Variants in KHDRBS2 observed in about 807,000 individuals in gnomAD.
KHDRBS2 encodes the protein KH RNA binding domain containing, signal transduction associated 2, also known as KH domain-containing, RNA-binding, signal transduction-associated protein 2.
KHDRBS2 carries 26 observed loss-of-function variants against 44.3 expected under a neutral mutation model. The observed-to-expected ratio is 0.59, with a 90% CI of 0.43 to 0.81. The LOEUF is 0.81. KHDRBS2 is among the 40% of genes least tolerant of loss of function. KHDRBS2 has a pLI of 0.00. For synonymous variants in KHDRBS2, 194 were observed against 151.1 expected (o/e 1.28, Z -2.08); for missense variants, 476 against 433.1 (o/e 1.10, Z -0.88).
intron 4 of KHDRBS2, among the ~76,000 whole-genome samples, chr6:61,942,259 C>A (rs187242696): frequency 6.6e-6 from 1 of 151,818 alleles, no homozygotes; most frequent in Non-Finnish European, 1.5e-5. Context: ...TCACACTTGG[C>A]CAGAATTAAA....
intron 1 of KHDRBS2, among the ~76,000 whole-genome samples, chr6:62,215,833 G>A (rs1829889848): frequency 6.6e-6 from 1 of 151,466 alleles, no homozygotes; most frequent in Admixed American, 6.6e-5. Flanking sequence ...GTTGCAAACA[G>A]GTATTACCTT....
At chr6:62,265,169 T>C (rs976960759) in intron 1 of KHDRBS2, among the ~76,000 whole-genome samples, 2 of 151,938 alleles carry the variant, frequency 1.3e-5, no homozygotes, top group African/African-American at 4.8e-5. Context: ...ACCCTCGGAA[T>C]ACTGTTGTTG....
intron 8 of KHDRBS2, among the ~76,000 whole-genome samples, chr6:61,694,443 A>G (rs1767687655): frequency 6.6e-6 from 1 of 152,184 alleles, no homozygotes; most frequent in South Asian, 2.1e-4. Context: ...GACTAGTGAT[A>G]CCTATATGCA....
intron 3 of KHDRBS2, among the ~76,000 whole-genome samples, chr6:62,039,695 T>C (rs1302360641): frequency 6.6e-6 from 1 of 152,108 alleles, no homozygotes; most frequent in Non-Finnish European, 1.5e-5. Context: ...AAATACCATA[T>C]TGAACATTTT....
the KHDRBS2 span, among the ~76,000 whole-genome samples, chr6:61,571,156 AC>A: frequency 6.6e-6 from 1 of 152,104 alleles, no homozygotes; most frequent in African/African-American, 2.4e-5. Context: ...TCAACCAAGT[AC>A]CTGCTGTCTC....
At chr6:61,687,919 A>C (rs368249754) in intron 8 of KHDRBS2, among the ~76,000 whole-genome samples, 2 of 151,746 alleles carry the variant, frequency 1.3e-5, no homozygotes, top group East Asian at 3.9e-4. Context: ...CAATATTAGA[A>C]AGAATCCCCA....
chr6:61,936,361 C>T (rs1811027949), intron 4 of KHDRBS2, among the ~76,000 whole-genome samples: 1 of 151,966 alleles, frequency 6.6e-6, no homozygotes, highest in Non-Finnish European at 1.5e-5. Context: ...TATTCGGCCC[C>T]ATAGGGCTGC....
chr6:61,577,401 T>C, the KHDRBS2 span, among the ~76,000 whole-genome samples: 11 of 152,120 alleles, frequency 7.2e-5, no homozygotes, highest in East Asian at 3.9e-4. Flanking sequence ...TTTGTGAACA[T>C]GAGGGAAAGG....
intron 2 of KHDRBS2, among the ~76,000 whole-genome samples, chr6:62,051,795 A>G (rs1345224333): frequency 1.3e-5 from 2 of 152,120 alleles, no homozygotes; most frequent in Non-Finnish European, 1.5e-5. Context: ...TCAATGGCAG[A>G]AAAACCGATT....
At chr6:62,211,219 C>A (rs888555832) in intron 1 of KHDRBS2, among the ~76,000 whole-genome samples, 5 of 152,036 alleles carry the variant, frequency 3.3e-5, no homozygotes, top group African/African-American at 4.8e-5. Flanking sequence ...AATTATTTTA[C>A]AAGCAGGATA....
intron 1 of KHDRBS2, among the ~76,000 whole-genome samples, chr6:62,277,912 C>T (rs1191867019): frequency 6.6e-6 from 1 of 152,102 alleles, no homozygotes; most frequent in Non-Finnish European, 1.5e-5. Flanking sequence ...TGGCCATGAC[C>T]TCACAAGTAT....
chr6:62,232,066 A>T (rs998009697), intron 1 of KHDRBS2, among the ~76,000 whole-genome samples: 1 of 152,208 alleles, frequency 6.6e-6, no homozygotes, highest in African/African-American at 2.4e-5. Context: ...AACCTGAGTT[A>T]CACTGTCATT....
chr6:62,263,996 G>A (rs1838783680), intron 1 of KHDRBS2, among the ~76,000 whole-genome samples: 1 of 151,728 alleles, frequency 6.6e-6, no homozygotes, highest in Non-Finnish European at 1.5e-5. Context: ...AAAATGCAGA[G>A]TCAGGTACAC....
At chr6:61,727,963 T>C (rs574149556) in intron 7 of KHDRBS2, among the ~76,000 whole-genome samples, 5 of 152,018 alleles carry the variant, frequency 3.3e-5, no homozygotes, top group Non-Finnish European at 7.4e-5. Flanking sequence ...ATTATAAAGA[T>C]ACATGCACAC....
At chr6:61,889,505 T>G (rs1449531713) in intron 6 of KHDRBS2, among the ~76,000 whole-genome samples, 1 of 146,158 alleles carries the variant, frequency 6.8e-6, no homozygotes, top group Admixed American at 7.2e-5. Context: ...CTTTCACACA[T>G]CCACGTATTT....
At chr6:62,003,447 T>C (rs1778637302) in intron 3 of KHDRBS2, among the ~76,000 whole-genome samples, 1 of 151,962 alleles carries the variant, frequency 6.6e-6, no homozygotes, top group Non-Finnish European at 1.5e-5. Context: ...ACTTCATGAT[T>C]GAGCAACAAG....
intron 2 of KHDRBS2, among the ~76,000 whole-genome samples, chr6:62,100,561 A>G (rs1312822446): frequency 6.6e-6 from 1 of 152,224 alleles, no homozygotes; most frequent in Non-Finnish European, 1.5e-5. Context: ...CAAAATTACC[A>G]CAACCACTCT....
intron 1 of KHDRBS2, among the ~76,000 whole-genome samples, chr6:62,224,966 A>C (rs557538080): frequency 3.5e-4 from 53 of 152,288 alleles, no homozygotes; most frequent in African/African-American, 1.2e-3. Context: ...CTTGGTTTTG[A>C]CATTCCCTGT....
intron 4 of KHDRBS2, among the ~76,000 whole-genome samples, chr6:61,903,890 G>A (rs1178429919): frequency 6.6e-6 from 1 of 152,154 alleles, no homozygotes; most frequent in Non-Finnish European, 1.5e-5. Context: ...ACATAACAGT[G>A]AGGATTGAAT....
Sources: gnomAD v4.1 joint callset for allele counts (sites outside exome capture counted in the v4.1 genomes callset) on GRCh38, gnomAD v4.1.1 for gene constraint, MANE v1.5 for transcripts, NCBI Gene and HGNC (gene_info 2026-07-23, HGNC 2026-07-21) for gene names.